Variants in CTNNA2 observed in about 807,000 individuals in gnomAD.
The protein encoded by CTNNA2 is catenin alpha 2.
In CTNNA2, 42 loss-of-function variants were observed where a neutral mutation model predicts 101.0. The observed-to-expected ratio is 0.42, with a 90% CI of 0.32 to 0.54. The LOEUF is 0.54. Among genes scored for constraint, CTNNA2 ranks in the 20% least tolerant of loss-of-function variants. The probability of loss-of-function intolerance (pLI) is 0.14; values close to 1 mark genes in which losing one functional copy is unlikely to be tolerated. For missense variants in CTNNA2, 871 were observed against 1,223.1 expected (o/e 0.71, Z 4.29); for synonymous variants, 450 against 456.4 (o/e 0.99, Z 0.18).
chr2:79,737,098 A>G (rs1279060854), intron 2 of CTNNA2, among the ~76,000 whole-genome samples: 1 of 152,200 alleles, frequency 6.6e-6, no homozygotes, highest in African/African-American at 2.4e-5. Flanking sequence ...CAGTAATCCC[A>G]GCTCTTTGGG....
intron 9 of CTNNA2, among the ~76,000 whole-genome samples, chr2:80,472,562 T>G (rs1477804197): frequency 6.6e-6 from 1 of 152,202 alleles, no homozygotes; most frequent in Non-Finnish European, 1.5e-5. Flanking sequence ...AGCTTTTGAC[T>G]GAATGAAATA....
chr2:79,764,986 A>G (rs1217038337), intron 3 of CTNNA2, among the ~76,000 whole-genome samples: 2 of 152,190 alleles, frequency 1.3e-5, no homozygotes, highest in African/African-American at 4.8e-5. Flanking sequence ...AGTGAGAGTA[A>G]TTAGAGGTTA....
chr2:80,278,068 T>C (rs1401218110), intron 7 of CTNNA2, among the ~76,000 whole-genome samples: 1 of 152,142 alleles, frequency 6.6e-6, no homozygotes, highest in Non-Finnish European at 1.5e-5. Flanking sequence ...CACCTGCCGT[T>C]GTCCAGGTGT....
In CTNNA2 at chr2:80,149,774, TCACACA is replaced by T. The variant is rs10595115; in HGVS notation, c.1056+240014_1056+240019del. On this transcript the variant is annotated intron_variant, in intron 7 of 18. Coordinates refer to ENST00000402739, the MANE Select transcript of CTNNA2 (RefSeq NM_001282597.3). ...TCAGGGAATACTCGATTAGAATGGA[TCACACA>T]CACACACACACACACACACACACAC... Among the ~76,000 whole-genome samples, 725 of 143,310 alleles carry T rather than the reference TCACACA, an allele frequency of 5.1e-3. 1 individual carries two copies. The highest frequency in any genetic ancestry group is 0.013 in the East Asian group (62 of 4,738). 94.0% of individuals were successfully genotyped at this position (143,310 alleles called of 152,430 possible).
chr2:80,337,461 C>G (rs1176982772), intron 7 of CTNNA2, among the ~76,000 whole-genome samples: 2 of 151,758 alleles, frequency 1.3e-5, no homozygotes, highest in Non-Finnish European at 2.9e-5. Context: ...ACACTCCCCC[C>G]CACCCCACCC....
intron 11 of CTNNA2, among the ~76,000 whole-genome samples, chr2:80,552,995 T>C (rs1387446955): frequency 6.6e-6 from 1 of 151,366 alleles, no homozygotes; most frequent in Admixed American, 6.6e-5. Flanking sequence ...GGCAGGCAGA[T>C]CATTTGAGGT....
At chr2:79,977,455 A>G (rs1399680073) in intron 7 of CTNNA2, among the ~76,000 whole-genome samples, 2 of 152,116 alleles carry the variant, frequency 1.3e-5, no homozygotes, top group Non-Finnish European at 2.9e-5. Context: ...CCCCACCACG[A>G]GAATGATCCA....
intron 7 of CTNNA2, among the ~76,000 whole-genome samples, chr2:80,070,535 T>A (rs1025277167): frequency 6.6e-6 from 1 of 151,976 alleles, no homozygotes; most frequent in Non-Finnish European, 1.5e-5. Flanking sequence ...AGTGAGACTT[T>A]GTCTCTACAA....
intron 2 of CTNNA2, among the ~76,000 whole-genome samples, chr2:79,257,184 T>A (rs758631543): frequency 6.6e-6 from 1 of 152,152 alleles, no homozygotes; most frequent in African/African-American, 2.4e-5. Flanking sequence ...GAATAATCCA[T>A]GTGACACACA....
intron 1 of CTNNA2, among the ~76,000 whole-genome samples, chr2:79,578,808 T>C (rs1400965991): frequency 1.3e-5 from 2 of 152,190 alleles, no homozygotes; most frequent in African/African-American, 4.8e-5. Context: ...AATATTCAGC[T>C]GGGTATGTTT....
intron 7 of CTNNA2, among the ~76,000 whole-genome samples, chr2:79,943,325 G>C (rs893323101): frequency 1.3e-5 from 2 of 152,080 alleles, no homozygotes; most frequent in African/African-American, 4.8e-5. Flanking sequence ...GAGGGGAATC[G>C]GTTAAGAATT....
At chr2:79,554,269 C>A (rs747820928) in intron 1 of CTNNA2, among the ~76,000 whole-genome samples, 2 of 151,868 alleles carry the variant, frequency 1.3e-5, no homozygotes, top group Admixed American at 1.3e-4. Context: ...GGAACTGATA[C>A]GATAGCCTTC....
chr2:80,062,482 C>A (rs891232094), intron 7 of CTNNA2, among the ~76,000 whole-genome samples: 3 of 152,186 alleles, frequency 2.0e-5, no homozygotes, highest in African/African-American at 2.4e-5. Flanking sequence ...AAGGCATTAA[C>A]AGGTTCTATT....
intron 3 of CTNNA2, among the ~76,000 whole-genome samples, chr2:79,784,941 T>G (rs1007674037): frequency 6.6e-6 from 1 of 152,128 alleles, no homozygotes; most frequent in African/African-American, 2.4e-5. Context: ...AGGCATTGTA[T>G]GGGAGCTTCC....
chr2:79,193,475 T>G (rs11126704), intron 1 of CTNNA2, among the ~76,000 whole-genome samples: 1 of 152,304 alleles, frequency 6.6e-6, no homozygotes, highest in African/African-American at 2.4e-5. Context: ...GGCTATATCA[T>G]GTACCCAAAG....
At chr2:80,630,452 C>T (rs1449573417) in intron 18 of CTNNA2, among the ~76,000 whole-genome samples, 1 of 152,004 alleles carries the variant, frequency 6.6e-6, no homozygotes. Flanking sequence ...TACTGGCCAA[C>T]ATGGTAAAAC....
intron 1 of CTNNA2, among the ~76,000 whole-genome samples, chr2:79,599,058 A>G (rs1426708519): frequency 6.6e-6 from 1 of 152,092 alleles, no homozygotes; most frequent in Non-Finnish European, 1.5e-5. Flanking sequence ...TGAAAAGAGT[A>G]TCTTTGCTCC....
intron 9 of CTNNA2, among the ~76,000 whole-genome samples, chr2:80,518,921 T>G (rs1689305953): frequency 6.6e-6 from 1 of 152,202 alleles, no homozygotes; most frequent in African/African-American, 2.4e-5. Flanking sequence ...TGGTTTCTGT[T>G]CACTTCCACC....
At chr2:79,735,756 C>A (rs930915581) in intron 2 of CTNNA2, among the ~76,000 whole-genome samples, 7 of 152,130 alleles carry the variant, frequency 4.6e-5, no homozygotes, top group Non-Finnish European at 1.5e-5. Context: ...AAAACCATAT[C>A]TTCAAGGTTT....
Sources: gnomAD v4.1 joint callset for allele counts (sites outside exome capture counted in the v4.1 genomes callset) on GRCh38, gnomAD v4.1.1 for gene constraint, MANE v1.5 for transcripts, NCBI Gene and HGNC (gene_info 2026-07-23, HGNC 2026-07-21) for gene names.